The following TMEM143 variants were observed in gnomAD, a reference collection of about 807,000 sequenced individuals.
The protein encoded by TMEM143 is transmembrane protein 143.
Under a neutral mutation model 40.3 loss-of-function variants are expected in TMEM143, and 45 were observed. That is an observed-to-expected ratio of 1.12 (90% CI 0.88 to 1.43). TMEM143 has a LOEUF of 1.43. Ranked by LOEUF, TMEM143 falls within the 40% of genes most tolerant of loss-of-function variation. The pLI is 0.00. For missense variants in TMEM143, 620 were observed against 613.4 expected, an observed-to-expected ratio of 1.01 and a Z score of -0.11; for synonymous variants, 299 against 282.7, an observed-to-expected ratio of 1.06 and a Z score of -0.58.
intron 6 of TMEM143, among the ~76,000 whole-genome samples, chr19:48,336,193 G>A (rs1398127175): frequency 1.3e-5 from 2 of 151,754 alleles, no homozygotes; most frequent in African/African-American, 2.4e-5. Context: ...ACCAACCTGG[G>A]CAACATGGTG....
exon 1 of TMEM143, chr19:48,363,926 CTCCTGCGCATGTGCAGGAGGGCG>C: frequency 1.2e-6 from 2 of 1,613,414 alleles, no homozygotes; most frequent in Non-Finnish European, 1.7e-6. Context: ...GTCATTGAGC[CTCCTGCGCATGTGCAGGAGGGCG>C]TCCTGGGCTC....
In TMEM143 at chr19:48,333,295, C is replaced by G. The variant is rs1326672438; in HGVS notation, c.1304G>C (p.Gly435Ala). 8 of 1,578,536 alleles carry G rather than the reference C, an allele frequency of 5.1e-6. No homozygotes were observed. The highest frequency in any genetic ancestry group is 4.1e-5 in the African/African-American group (3 of 74,020). ...TPSMGLYPPP[G>A]FPKLDPVAPI... ...AGCCACTGGGTCTAGTTTGGGGAAA[C>G]CCGGGGGTGGGTACAATCCCATGCT... The change falls in exon 8 of 8, where the codon GGT (glycine) becomes GCT (alanine). Residue 435 changes from glycine (G) to alanine (A), a missense_variant. Physicochemically the swap from Gly to Ala is moderately conservative, Grantham distance 60 (BLOSUM62 0). Transcript: ENST00000293261. The surrounding 1 kb of genome is among the most constrained non-coding windows in gnomAD (Gnocchi z 4.1).
At chr19:48,339,697 T>A (rs373535050) in intron 6 of TMEM143, among the ~76,000 whole-genome samples, 54 of 151,790 alleles carry the variant, frequency 3.6e-4, no homozygotes, top group African/African-American at 1.2e-3. Context: ...CAGGAGGGAG[T>A]CTGGGAGGGC....
rs138982149 is a variant in TMEM143, at chr19:48,333,169, G to A, written c.*50C>T. Reference sequence around the variant, plus strand: ...GTAATTGACAGCCTGTCGTGAAGGAGGCGGGGCTTAGTTCCTAGCCTGCTG... The same window carrying A: ...GTAATTGACAGCCTGTCGTGAAGGAAGCGGGGCTTAGTTCCTAGCCTGCTG... On this transcript the variant is annotated 3_prime_UTR_variant, in exon 8 of 8. Coordinates refer to ENST00000293261, the MANE Select transcript of TMEM143 (RefSeq NM_018273.4). The surrounding 1 kb of genome is among the most constrained non-coding windows in gnomAD (Gnocchi z 4.1). The A allele has an allele frequency of 1.1e-4, 153 of 1,335,746 alleles. No individual in the cohort carries two copies. The African/African-American group carries it at 1.8e-3, about 16-fold the overall frequency. 82.7% of individuals were successfully genotyped at this position (1,335,746 alleles called of 1,614,324 possible).
Position 48,356,596 on chromosome 19 carries a change from A to ATTT in TMEM143, c.369+3473_369+3475dup, listed in dbSNP as rs36077135. 1.0e-4 allele frequency among the ~76,000 whole-genome samples: 14 copies of ATTT among 135,898 alleles called. 2 individuals are homozygous for ATTT. Among genetic ancestry groups the ATTT allele is most frequent in the South Asian group, 9.2e-4 (4 of 4,362 alleles). 89.2% of individuals were successfully genotyped at this position (135,898 alleles called of 152,430 possible). On this transcript the variant is annotated intron_variant, in intron 3 of 7. Coordinates refer to ENST00000293261, the MANE Select transcript of TMEM143 (RefSeq NM_018273.4). ...AGACATGCGCTACCAGGCCCAGGTA[A>ATTT]TTTTTTTTTTTTTTTTTTGAGATGG...
At position 48,332,831 on chromosome 19, in the gene TMEM143, T is replaced by C. The variant is rs1270514133; in HGVS notation, c.*388A>G. 1.2e-5 allele frequency: 2 copies of C among 161,686 alleles called. No individual in the cohort carries two copies. The highest frequency in any genetic ancestry group is 2.7e-5 in the Non-Finnish European group (2 of 74,610). 10.0% of individuals were successfully genotyped at this position (161,686 alleles called of 1,614,324 possible). A position where few individuals can be genotyped will look rare whatever the true frequency, so the allele number is the denominator to read the frequency against. ...GCCCGGAGCGGGCTGAAAAAGACAA[T>C]GATATATAGTCTCGGGAGGGCGCAG... On this transcript the variant is annotated 3_prime_UTR_variant, in exon 8 of 8. Transcript: ENST00000293261.
chr19:48,339,873 C>A (rs915238056), intron 6 of TMEM143, among the ~76,000 whole-genome samples: 3 of 151,992 alleles, frequency 2.0e-5, no homozygotes, highest in African/African-American at 7.2e-5. Flanking sequence ...GGATTTCAGG[C>A]ATGCGCCACC....
intron 2 of TMEM143, among the ~76,000 whole-genome samples, chr19:48,361,022 C>T (rs982224407): frequency 4.0e-5 from 6 of 151,432 alleles, no homozygotes; most frequent in Non-Finnish European, 7.4e-5. Context: ...TCCTGTGCTC[C>T]AGCAATCCTC....
Position 48,343,491 on chromosome 19 carries a change from G to C in TMEM143, c.565-40C>G, listed in dbSNP as rs1001610480. On this transcript the variant is annotated intron_variant, in intron 4 of 7. Transcript: ENST00000293261. ...AAGGAAGCAGTGGCGGGTGAACATGGGCAGGAGTGTTGAGGGCAGGATACC... is the reference window on the plus strand; with the variant it reads ...AAGGAAGCAGTGGCGGGTGAACATGCGCAGGAGTGTTGAGGGCAGGATACC... The C allele has an allele frequency of 3.9e-6, 6 of 1,545,168 alleles. No homozygotes were observed. In the Admixed American group the frequency reaches 5.9e-5, roughly 15 times the overall value.
intron 6 of TMEM143, among the ~76,000 whole-genome samples, chr19:48,336,729 C>A (rs1969377996): frequency 6.6e-6 from 1 of 151,326 alleles, no homozygotes; most frequent in Non-Finnish European, 1.5e-5. Context: ...GGCGCAGTAG[C>A]TCACGCCTGT....
In TMEM143 at chr19:48,345,195, C is replaced by A; in HGVS notation, c.529G>T (p.Ala177Ser). The A allele has an allele frequency of 1.9e-6, 3 of 1,613,626 alleles. No homozygotes were observed. Among genetic ancestry groups the A allele is most frequent in the Non-Finnish European group, 2.5e-6 (3 of 1,179,760 alleles). ...TCCTGAGGGTGGTGGACCACCAGCGCGTAGGCCAGGGTGTCCTCAGACAGC... is the reference window on the plus strand; with the variant it reads ...TCCTGAGGGTGGTGGACCACCAGCGAGTAGGCCAGGGTGTCCTCAGACAGC... ...SPLSEDTLAYALVVHHPQDEV... is the reference protein window; with the variant it reads ...SPLSEDTLAYSLVVHHPQDEV... Residue 177 changes from alanine to serine, a missense_variant, in exon 4 of 8, where the codon GCG (alanine) becomes TCG (serine). By Grantham distance (99) the Ala-to-Ser change is moderately conservative. Transcript: ENST00000293261.
chr19:48,357,984 T>TA (rs1221629933), intron 3 of TMEM143, among the ~76,000 whole-genome samples: 2 of 152,078 alleles, frequency 1.3e-5, no homozygotes, highest in East Asian at 3.8e-4. Context: ...TGTACACTGC[T>TA]CTAGTGATGG....
chr19:48,363,440 C>T lies in TMEM143; in HGVS notation c.115G>A (p.Gly39Arg). 6.2e-7 allele frequency: 1 copy of T among 1,613,950 alleles called. No individual in the cohort carries two copies. The highest frequency in any genetic ancestry group is 8.5e-7 in the Non-Finnish European group (1 of 1,179,994). The change falls in exon 2 of 8, where the codon GGG becomes AGG. Residue 39 changes from glycine to arginine, a missense_variant. Gly to Arg is a moderately radical substitution (Grantham distance 125, BLOSUM62 -2). Transcript: ENST00000293261. ...RVWPLLPALLGPPRALSSLAA... is the reference protein window; with the variant it reads ...RVWPLLPALLRPPRALSSLAA... ...AGCGATGAGAGGGCCCGGGGGGGCC[C>T]GAGGAGCGCGGGCAACAGTGGCCAT...
Position 48,333,216 on chromosome 19 carries a change from T to G in TMEM143, c.*3A>C. 1 of 1,461,056 alleles carries G rather than the reference T, an allele frequency of 6.8e-7. No homozygotes were observed. The highest frequency in any genetic ancestry group is 9.2e-7 in the Non-Finnish European group (1 of 1,092,298). The allele number at this position is 1,461,056 out of a possible 1,614,324, so 90.5% of individuals were successfully genotyped here. ...GCTGACTGGGCAGGGAGGTAGGTTC[T>G]ACTCAGGAGATGTTACTGCTGGGCG... On this transcript the variant is annotated 3_prime_UTR_variant, in exon 8 of 8. Coordinates refer to ENST00000293261, the MANE Select transcript of TMEM143 (RefSeq NM_018273.4). The surrounding 1 kb of genome is among the most constrained non-coding windows in gnomAD (Gnocchi z 4.1).
At chr19:48,363,564 C>T in intron 1 of TMEM143, 33 bp from the exon 2 acceptor site, 1 of 1,566,424 alleles carries the variant, frequency 6.4e-7, no homozygotes, top group Non-Finnish European at 8.7e-7. Flanking sequence ...GGGTCAAAGG[C>T]CATCTAGAGG....
At chr19:48,351,666 A>G (rs1392725562) in intron 3 of TMEM143, among the ~76,000 whole-genome samples, 2 of 151,520 alleles carry the variant, frequency 1.3e-5, no homozygotes, top group African/African-American at 4.9e-5. Context: ...TCCTCCACAC[A>G]CCATGCACAC....
intron 4 of TMEM143, 58 bp downstream of exon 4, chr19:48,345,102 G>T: frequency 6.4e-7 from 1 of 1,569,746 alleles, no homozygotes. Flanking sequence ...GCCTCTCAGA[G>T]GCTCTGCCCC....
At chr19:48,335,432 A>G (rs188480697) in intron 6 of TMEM143, among the ~76,000 whole-genome samples, 28 of 152,300 alleles carry the variant, frequency 1.8e-4, no homozygotes, top group African/African-American at 5.8e-4. Flanking sequence ...TAAAATTAAA[A>G]AACAATAGCA....
Position 48,363,391 on chromosome 19 carries a change from C to A in TMEM143, c.164G>T (p.Arg55Leu). Residue 55 changes from arginine to leucine, a missense_variant, in exon 2 of 8, where the codon CGC becomes CTC. Coordinates refer to ENST00000293261, the MANE Select transcript of TMEM143 (RefSeq NM_018273.4). ...GGGCTCCCTGGGGTTCCACATCTTG[C>A]GATACTCCCCCATTTTGGCTGCCAG... ...SSLAAKMGEY[R>L]KMWNPREPRD... The A allele has an allele frequency of 1.2e-6, 2 of 1,614,176 alleles. No individual in the cohort carries two copies. Among genetic ancestry groups the A allele is most frequent in the Non-Finnish European group, 1.7e-6 (2 of 1,180,026 alleles).
Sources: allele counts gnomAD v4.1 joint callset (sites outside exome capture counted in the v4.1 genomes callset), GRCh38; gene constraint gnomAD v4.1.1; non-coding constraint Gnocchi (gnomAD v3.1); transcripts MANE v1.5; gene names NCBI Gene and HGNC (gene_info 2026-07-23, HGNC 2026-07-21).